FOCAD: variants seen among roughly 807,000 people sequenced by gnomAD.
FOCAD encodes focadhesin.
In FOCAD, 198 loss-of-function variants were observed where a neutral mutation model predicts 225.6. That is an observed-to-expected ratio of 0.88 (90% confidence interval 0.78 to 0.99). FOCAD has a LOEUF of 0.99. Ranked by LOEUF, FOCAD falls within the 50% of genes least tolerant of loss-of-function variation. The pLI, the probability that FOCAD is intolerant of heterozygous loss-of-function variation, is 0.00. For missense variants in FOCAD, 2,713 were observed against 2,123.6 expected (o/e 1.28, Z -5.46); for synonymous variants, 897 against 755.0 (o/e 1.19, Z -3.08).
chr9:20,990,478 C>T lies in FOCAD; in HGVS notation c.5256+104C>T, dbSNP rs555015724. 5 of 1,363,312 alleles carry T rather than the reference C, an allele frequency of 3.7e-6. No homozygotes were observed. In the South Asian group the frequency reaches 5.5e-5, roughly 15 times the overall value. 84.5% of individuals were successfully genotyped at this position (1,363,312 alleles called of 1,614,324 possible). ...GAGTTAAGTGCGTCTTGAATCACAC[C>T]ACAGACTTTCCTACCCAGCCCCATA... On this transcript the variant is annotated intron_variant, in intron 42 of 43. Transcript: ENST00000338382.
intron 21 of FOCAD, among the ~76,000 whole-genome samples, chr9:20,888,708 TG>T (rs1831340798): frequency 1.3e-5 from 2 of 152,128 alleles, no homozygotes; most frequent in African/African-American, 2.4e-5. Context: ...GACTGAATTA[TG>T]GGGGCGGGTC....
At chr9:20,817,046 C>T (rs776593618) in intron 11 of FOCAD, among the ~76,000 whole-genome samples, 4 of 152,100 alleles carry the variant, frequency 2.6e-5, no homozygotes, top group Non-Finnish European at 5.9e-5. Context: ...GAACCAGTCC[C>T]TGTAGATACT....
chr9:20,669,057 A>G (rs943491481), intron 2 of FOCAD, among the ~76,000 whole-genome samples: 10 of 152,076 alleles, frequency 6.6e-5, no homozygotes, highest in Non-Finnish European at 1.3e-4. Flanking sequence ...GAGAAAGAAT[A>G]TTTATTTCCC....
intron 15 of FOCAD, among the ~76,000 whole-genome samples, chr9:20,859,994 T>C (rs901581206): frequency 6.6e-6 from 1 of 152,066 alleles, no homozygotes; most frequent in Non-Finnish European, 1.5e-5. Context: ...GTGATGGTTG[T>C]GTGGCTTTGT....
chr9:20,846,666 T>G (rs1383422074), intron 15 of FOCAD, among the ~76,000 whole-genome samples: 1 of 152,078 alleles, frequency 6.6e-6, no homozygotes, highest in Non-Finnish European at 1.5e-5. Flanking sequence ...TGGTGTTGAT[T>G]AATGTAGAAA....
At chr9:20,953,505 T>A (rs1420831442) in intron 35 of FOCAD, among the ~76,000 whole-genome samples, 2 of 152,224 alleles carry the variant, frequency 1.3e-5, no homozygotes, top group East Asian at 3.9e-4. Flanking sequence ...CTCTAGTTCC[T>A]ATTTTTAGTT....
chr9:20,663,969 C>T (rs923491006), intron 2 of FOCAD, among the ~76,000 whole-genome samples: 6 of 151,872 alleles, frequency 4.0e-5, no homozygotes, highest in Non-Finnish European at 8.8e-5. Context: ...CTTGTTTTCC[C>T]AGTTACCTAT....
chr9:20,933,484 T>G (rs2132230072), intron 28 of FOCAD, among the ~76,000 whole-genome samples: 1 of 152,334 alleles, frequency 6.6e-6, no homozygotes, highest in South Asian at 2.1e-4. Flanking sequence ...TCACTTAGAA[T>G]AATAGTCTCC....
chr9:20,831,986 A>G (rs1825540819), intron 15 of FOCAD, among the ~76,000 whole-genome samples: 1 of 152,034 alleles, frequency 6.6e-6, no homozygotes, highest in Non-Finnish European at 1.5e-5. Context: ...CAATTGGCAT[A>G]ATGTTTTCAA....
At chr9:20,707,316 T>A (rs1454842701) in intron 1 of FOCAD, among the ~76,000 whole-genome samples, 1 of 152,324 alleles carries the variant, frequency 6.6e-6, no homozygotes, top group African/African-American at 2.4e-5. Context: ...TCTGAGAATA[T>A]AATAACTAAA....
intron 15 of FOCAD, among the ~76,000 whole-genome samples, chr9:20,830,749 T>A (rs1412211084): frequency 6.6e-6 from 1 of 152,056 alleles, no homozygotes; most frequent in Non-Finnish European, 1.5e-5. Flanking sequence ...GTGGTCATGG[T>A]CCACAGCAGC....
intron 10 of FOCAD, among the ~76,000 whole-genome samples, chr9:20,788,350 G>C (rs936038980): frequency 6.6e-6 from 1 of 152,070 alleles, no homozygotes; most frequent in Admixed American, 6.5e-5. Flanking sequence ...TTTTGTTTGG[G>C]TTGATGAAAA....
chr9:20,818,103 TG>T (rs1823924494), intron 11 of FOCAD, among the ~76,000 whole-genome samples: 1 of 152,200 alleles, frequency 6.6e-6, no homozygotes, highest in Non-Finnish European at 1.5e-5. Context: ...TGGTATCTCA[TG>T]GTTTTGATTT....
intron 11 of FOCAD, among the ~76,000 whole-genome samples, chr9:20,796,685 A>G (rs200265208): frequency 6.6e-6 from 1 of 151,802 alleles, no homozygotes; most frequent in Non-Finnish European, 1.5e-5. Context: ...TTGTAAATTT[A>G]TTTGAGTTCT....
chr9:20,780,578 T>C (rs757228424), intron 9 of FOCAD, among the ~76,000 whole-genome samples: 1 of 152,156 alleles, frequency 6.6e-6, no homozygotes, highest in Non-Finnish European at 1.5e-5. Flanking sequence ...TTCAAAGAAA[T>C]AGGATAACCA....
At chr9:20,806,282 T>A (rs1253461504) in intron 11 of FOCAD, among the ~76,000 whole-genome samples, 1 of 152,214 alleles carries the variant, frequency 6.6e-6, no homozygotes, top group Non-Finnish European at 1.5e-5. Context: ...TATTTTAAAT[T>A]TGAATGCTTC....
chr9:20,671,804 A>G (rs575488101), intron 2 of FOCAD, among the ~76,000 whole-genome samples: 3 of 152,302 alleles, frequency 2.0e-5, no homozygotes, highest in Admixed American at 1.3e-4. Context: ...CTAATCTGAC[A>G]TACACAGACA....
chr9:20,936,475 A>G (rs2132253026), intron 28 of FOCAD, among the ~76,000 whole-genome samples: 1 of 152,288 alleles, frequency 6.6e-6, no homozygotes, highest in African/African-American at 2.4e-5. Flanking sequence ...ATTGGAGAGG[A>G]ACTAGTGCCA....
rs1474006370 is a variant in FOCAD, at chr9:20,820,318, T to G, written c.1561-6T>G. 6.3e-7 allele frequency: 1 copy of G among 1,599,654 alleles called. No individual in the cohort carries two copies. The highest frequency in any genetic ancestry group is 2.3e-5 in the East Asian group (1 of 44,438). On this transcript the variant is annotated splice_polypyrimidine_tract_variant and splice_region_variant and intron_variant, in intron 12 of 43. Transcript: ENST00000338382. ...ATGCAACTAGAGTTTCTTCAATATT[T>G]TCTAGGTGTGTATAGGACAAATTCT...
Sources: allele counts gnomAD v4.1 joint callset (sites outside exome capture counted in the v4.1 genomes callset), GRCh38; gene constraint gnomAD v4.1.1; transcripts MANE v1.5; gene names NCBI Gene and HGNC (gene_info 2026-07-23, HGNC 2026-07-21).